The following ZNF385D variants were observed in gnomAD, a reference collection of about 807,000 sequenced individuals.
ZNF385D encodes the protein zinc finger protein 659.
Under a neutral mutation model 35.8 loss-of-function variants are expected in ZNF385D, and 15 were observed. The ratio of observed to expected loss-of-function variants is 0.42; its 90% CI spans 0.28 to 0.64. ZNF385D has a LOEUF of 0.64. Ranked by LOEUF, ZNF385D falls within the 30% of genes least tolerant of loss-of-function variation. The pLI is 0.23. For missense variants in ZNF385D, 474 were observed against 494.6 expected, an observed-to-expected ratio of 0.96 and a Z score of 0.39; for synonymous variants, 212 against 186.8, an observed-to-expected ratio of 1.13 and a Z score of -1.10.
rs573813282 is a variant in ZNF385D at position 22,170,263 on chromosome 3, C to T, written c.107-1228G>A. Among the ~76,000 whole-genome samples the T allele has an allele frequency of 6.6e-5, 10 of 152,270 alleles. 1 individual carries two copies. In the South Asian group the frequency reaches 1.4e-3, roughly 22 times the overall value. On this transcript the variant is annotated intron_variant, in intron 2 of 5. Transcript: ENST00000494108. ...TCTGGAGTTAAACTGACAAGCATCACAAAAGTGGTCCTTGCAATTATACAA... is the reference window on the plus strand; with the variant it reads ...TCTGGAGTTAAACTGACAAGCATCATAAAAGTGGTCCTTGCAATTATACAA...
At chr3:22,322,192 T>C (rs933610831) in intron 2 of ZNF385D, among the ~76,000 whole-genome samples, 4 of 152,186 alleles carry the variant, frequency 2.6e-5, no homozygotes, top group African/African-American at 7.2e-5. Context: ...TACTCACCAT[T>C]ATTTTACTCT....
At chr3:21,542,553 C>T (rs2062210054) in intron 3 of ZNF385D, among the ~76,000 whole-genome samples, 1 of 152,064 alleles carries the variant, frequency 6.6e-6, no homozygotes, top group South Asian at 2.1e-4. Flanking sequence ...TGCTGTGTTG[C>T]CCAGGCTGCT....
Position 21,940,663 on chromosome 3 carries a change from T to G in ZNF385D, c.325+228154A>C, listed in dbSNP as rs142971041. On this transcript the variant is annotated intron_variant, in intron 3 of 5. Coordinates refer to the ZNF385D transcript ENST00000494108. ...ATCAGATTATAAATATGTAATATAG[T>G]TCACTATATTTCAATGCTGTGAAAA... Among the ~76,000 whole-genome samples the G allele has an allele frequency of 1.1e-3, 167 of 152,300 alleles. 1 individual carries two copies. The highest frequency in any genetic ancestry group is 3.8e-3 in the African/African-American group (158 of 41,570).
chr3:22,186,332 G>A (rs1386395081), intron 2 of ZNF385D, among the ~76,000 whole-genome samples: 1 of 152,136 alleles, frequency 6.6e-6, no homozygotes, highest in Non-Finnish European at 1.5e-5. Flanking sequence ...AACACATCCA[G>A]AGACATGAAG....
Position 21,437,057 on chromosome 3 carries a change from CG to C in ZNF385D, c.585del (p.Glu196ArgfsTer37). 6.2e-7 allele frequency: 1 copy of C among 1,613,998 alleles called. No individual in the cohort carries two copies. The highest frequency in any genetic ancestry group is 8.5e-7 in the Non-Finnish European group (1 of 1,179,902). ...AGAAGCCGTTTTGCCTTTTCTTCCT[CG>C]GTCTCAGTAGAAGGACATGAGCTAT... ...TGNSSCPSTE[T>X]EEEKAKRLLY... On this transcript the variant is annotated frameshift_variant, in exon 5 of 8. Transcript: ENST00000281523. LOFTEE classifies it high-confidence loss of function.
chr3:22,346,031 A>T lies in ZNF385D; in HGVS notation c.106+26419T>A, dbSNP rs116467450. Reference sequence around the variant, plus strand: ...TGATCCCAAAAAGAACTCCTTGCATACTCATCTCCTCATGGGGTGTGCTTT... The same window carrying T: ...TGATCCCAAAAAGAACTCCTTGCATTCTCATCTCCTCATGGGGTGTGCTTT... On this transcript the variant is annotated intron_variant, in intron 2 of 5. Coordinates refer to the ZNF385D transcript ENST00000494108. Among the ~76,000 whole-genome samples the T allele has an allele frequency of 4.7e-3, 713 of 152,034 alleles. 7 individuals carry two copies. The highest frequency in any genetic ancestry group is 0.016 in the African/African-American group (672 of 41,450).
At chr3:22,165,398 C>A (rs1316676367) in intron 3 of ZNF385D, among the ~76,000 whole-genome samples, 9 of 152,276 alleles carry the variant, frequency 5.9e-5, no homozygotes, top group African/African-American at 1.9e-4. Context: ...TGACAGTTTA[C>A]TATGCTAGGA....
At chr3:22,040,810 G>A (rs1160459514) in intron 3 of ZNF385D, among the ~76,000 whole-genome samples, 1 of 152,128 alleles carries the variant, frequency 6.6e-6, no homozygotes, top group African/African-American at 2.4e-5. Flanking sequence ...AGAAAAAATA[G>A]AGTAAATGGA....
At chr3:21,630,815 A>G (rs2065259386) in intron 2 of ZNF385D, among the ~76,000 whole-genome samples, 1 of 152,092 alleles carries the variant, frequency 6.6e-6, no homozygotes, top group Admixed American at 6.6e-5. Context: ...GTTAATCACC[A>G]TGTCAGGGGT....
chr3:22,079,567 C>T (rs540922947), intron 3 of ZNF385D, among the ~76,000 whole-genome samples: 3 of 151,974 alleles, frequency 2.0e-5, no homozygotes, highest in East Asian at 1.9e-4. Context: ...CTCACCATTT[C>T]GCAAAGCAGG....
chr3:21,482,925 A>G (rs183210410), intron 4 of ZNF385D, among the ~76,000 whole-genome samples: 105 of 152,276 alleles, frequency 6.9e-4, no homozygotes, highest in Admixed American at 2.0e-3. Context: ...TGCAATGACA[A>G]CAGCAACCAA....
At chr3:21,949,150 T>C (rs35726889) in intron 3 of ZNF385D, among the ~76,000 whole-genome samples, 39,413 of 152,108 alleles carry the variant, frequency 0.26, 5,812 homozygotes, top group Admixed American at 0.41. Context: ...GCTTAATTTT[T>C]TCTTGGAAAC....
intron 2 of ZNF385D, among the ~76,000 whole-genome samples, chr3:22,188,045 C>A (rs1345429705): frequency 6.6e-6 from 1 of 152,178 alleles, no homozygotes; most frequent in East Asian, 1.9e-4. Context: ...ACCTAAACTT[C>A]ACCTTTCAAT....
rs748344706 is a variant in ZNF385D, at chr3:22,229,973, A to C, written c.107-60938T>G. On this transcript the variant is annotated intron_variant, in intron 2 of 5. Coordinates refer to the ZNF385D transcript ENST00000494108. The stretch of plus-strand genomic sequence containing the variant: ...TTCTAACACCTTGCTACCTATACTT[A>C]CACCTTCTCTGCAGAAAGTAGAAAT... Among the ~76,000 whole-genome samples, 17 of 152,244 alleles carry C rather than the reference A, an allele frequency of 1.1e-4. 1 individual carries two copies. In the South Asian group the frequency reaches 1.5e-3, roughly 13 times the overall value.
chr3:21,468,943 A>G (rs1462884742), intron 4 of ZNF385D, among the ~76,000 whole-genome samples: 2 of 152,130 alleles, frequency 1.3e-5, no homozygotes, highest in Non-Finnish European at 2.9e-5. Flanking sequence ...AAAAGAATAC[A>G]TAGTATGATT....
chr3:21,563,784 G>A (rs17009032), intron 3 of ZNF385D, among the ~76,000 whole-genome samples: 5,661 of 152,212 alleles, frequency 0.037, 205 homozygotes, highest in East Asian at 0.15. Flanking sequence ...CTAGACCAAC[G>A]TTGCCTGTCT....
intron 3 of ZNF385D, among the ~76,000 whole-genome samples, chr3:21,824,161 AT>A (rs1694449975): frequency 6.6e-6 from 1 of 152,212 alleles, no homozygotes; most frequent in Non-Finnish European, 1.5e-5. Flanking sequence ...AAAATTCATT[AT>A]ATCATAGTAG....
At chr3:21,957,340 G>C (rs1245028761) in intron 3 of ZNF385D, 1 of 153,878 alleles carries the variant, frequency 6.5e-6, no homozygotes, top group Non-Finnish European at 1.4e-5. Context: ...AGTTACTTTG[G>C]AACTGGGTAA....
intron 4 of ZNF385D, among the ~76,000 whole-genome samples, chr3:21,463,273 T>TA (rs200971094): frequency 0.011 from 1,712 of 151,356 alleles, 13 homozygotes; most frequent in Non-Finnish European, 0.017. Context: ...GTGGCTTTTA[T>TA]AAAAAAAAAT....
Sources: allele counts gnomAD v4.1 joint callset (sites outside exome capture counted in the v4.1 genomes callset), GRCh38; gene constraint gnomAD v4.1.1; transcripts MANE v1.5; gene names NCBI Gene and HGNC (gene_info 2026-07-23, HGNC 2026-07-21).